The following NHLRC2 variants were observed in gnomAD, a reference collection of about 807,000 sequenced individuals.
The protein encoded by NHLRC2 is NHL repeat containing 2.
Under a neutral mutation model 68.1 loss-of-function variants are expected in NHLRC2, and 33 were observed. That is an observed-to-expected ratio of 0.48 (90% CI 0.37 to 0.65). The LOEUF is 0.65. Among genes scored for constraint, NHLRC2 ranks in the 30% least tolerant of loss-of-function variants. The pLI is 0.00. For synonymous variants in NHLRC2, 311 were observed against 309.6 expected (o/e 1.00, Z -0.05); for missense variants, 761 against 853.8 (o/e 0.89, Z 1.35).
chr10:113,899,535 A>G (rs1846210036), intron 6 of NHLRC2, among the ~76,000 whole-genome samples: 1 of 152,236 alleles, frequency 6.6e-6, no homozygotes. Context: ...GATACAATGA[A>G]AAGATGTGGT....
intron 2 of NHLRC2, among the ~76,000 whole-genome samples, chr10:113,867,938 A>G (rs1845884212): frequency 6.8e-6 from 1 of 147,008 alleles, no homozygotes; most frequent in Non-Finnish European, 1.6e-5. Flanking sequence ...TATGTATTTT[A>G]AAAAGTGGTT....
chr10:113,904,831 A>T lies in NHLRC2; in HGVS notation c.1719A>T (p.Arg573Ser), dbSNP rs763881227. 3 of 1,613,280 alleles carry T rather than the reference A, an allele frequency of 1.9e-6. No individual in the cohort carries two copies. Among genetic ancestry groups the T allele is most frequent in the African/African-American group, 2.7e-5 (2 of 74,904 alleles). ...TTATTTCCTAGCTCCCCATCTTCAG[A>T]TCTGAAAATGCTGTGGTAGATGGCC... ...TKMVSVLPIF[R>S]SENAVVDGPF... Residue 573 changes from arginine to serine, a missense_variant, in exon 10 of 11, where the codon AGA becomes AGT. Arg to Ser is a moderately radical substitution (Grantham distance 110). Coordinates refer to ENST00000369301, the MANE Select transcript of NHLRC2 (RefSeq NM_198514.4).
At chr10:113,897,596 T>C (rs1456985262) in intron 5 of NHLRC2, among the ~76,000 whole-genome samples, 1 of 152,228 alleles carries the variant, frequency 6.6e-6, no homozygotes, top group Non-Finnish European at 1.5e-5. Context: ...TTTATGAGCT[T>C]AGGTTTCCTG....
At chr10:113,869,837 C>T (rs1262347743) in intron 2 of NHLRC2, among the ~76,000 whole-genome samples, 3 of 151,986 alleles carry the variant, frequency 2.0e-5, no homozygotes, top group African/African-American at 7.2e-5. Flanking sequence ...TTTTGGTATT[C>T]CAATGGTCCA....
rs753272516 is a variant in NHLRC2 at position 113,914,926 on chromosome 10, T to C, written c.*6390T>C. On this transcript the variant is annotated 3_prime_UTR_variant, in exon 11 of 11. Transcript: ENST00000369301. ...TAACAAACCCTGGCCCCTTTACATA[T>C]GAGCTCTGGAGGTTCGCCTGGCTGC... The C allele has an allele frequency of 1.3e-5, 6 of 453,512 alleles. No individual in the cohort carries two copies. Among genetic ancestry groups the C allele is most frequent in the South Asian group, 9.4e-5 (6 of 64,076 alleles). The allele number at this position is 453,512 out of a possible 1,614,324, so 28.1% of individuals were successfully genotyped here. A position where few individuals can be genotyped will look rare whatever the true frequency, so the allele number is the denominator to read the frequency against.
chr10:113,881,645 G>A (rs1846037081), intron 4 of NHLRC2, among the ~76,000 whole-genome samples: 1 of 151,592 alleles, frequency 6.6e-6, no homozygotes, highest in Non-Finnish European at 1.5e-5. Context: ...TTTAATGCAT[G>A]TTTTTATTTG....
At chr10:113,888,588 ATAAT>A (rs781407288) in intron 5 of NHLRC2, among the ~76,000 whole-genome samples, 12 of 152,330 alleles carry the variant, frequency 7.9e-5, no homozygotes, top group East Asian at 5.8e-4. Flanking sequence ...AGTTATAAAA[ATAAT>A]TAATATAAAG....
Position 113,884,160 on chromosome 10 carries a change from T to C in NHLRC2, c.910-91T>C, listed in dbSNP as rs150903819. 8.7e-5 allele frequency: 102 copies of C among 1,175,846 alleles called. 1 individual carries two copies. The African/African-American group carries it at 1.4e-3, about 16-fold the overall frequency. The allele number at this position is 1,175,846 out of a possible 1,614,324, so 72.8% of individuals were successfully genotyped here. On this transcript the variant is annotated intron_variant, in intron 4 of 10. Transcript: ENST00000369301. ...CTTTGTACTGCACATACACTCTAAATGTTCTATTGACTATTGAAAATCTTT... is the reference window on the plus strand; with the variant it reads ...CTTTGTACTGCACATACACTCTAAACGTTCTATTGACTATTGAAAATCTTT...
intron 2 of NHLRC2, among the ~76,000 whole-genome samples, chr10:113,872,145 C>G (rs558501682): frequency 6.6e-6 from 1 of 152,108 alleles, no homozygotes; most frequent in African/African-American, 2.4e-5. Context: ...ATTGAAGCCT[C>G]AGAGAAGCAT....
Position 113,912,108 on chromosome 10 carries a change from T to C in NHLRC2, c.*3572T>C, listed in dbSNP as rs1397268570. Reference sequence around the variant, plus strand: ...CAATGGTTATGGCTTTTTTGTTCTGTTATTTTTATTGTGTAACGTAGTGTA... The same window carrying C: ...CAATGGTTATGGCTTTTTTGTTCTGCTATTTTTATTGTGTAACGTAGTGTA... On this transcript the variant is annotated 3_prime_UTR_variant, in exon 11 of 11. Transcript: ENST00000369301. 1 of 152,210 alleles carries C rather than the reference T, an allele frequency of 6.6e-6. No homozygotes were observed. Among genetic ancestry groups the C allele is most frequent in the Admixed American group, 6.5e-5 (1 of 15,280 alleles). 9.4% of individuals were successfully genotyped at this position (152,210 alleles called of 1,614,324 possible). A position where few individuals can be genotyped will look rare whatever the true frequency, so the allele number is the denominator to read the frequency against.
At chr10:113,883,576 A>ATAG (rs1165862325) in intron 4 of NHLRC2, among the ~76,000 whole-genome samples, 1 of 151,880 alleles carries the variant, frequency 6.6e-6, no homozygotes, top group Admixed American at 6.6e-5. Context: ...AATTTTCCCA[A>ATAG]TACATTGTTG....
rs1846296737 is a variant in NHLRC2, at chr10:113,908,671, A to AT, written c.*137dup. On this transcript the variant is annotated 3_prime_UTR_variant, in exon 11 of 11. Transcript: ENST00000369301. ...CCATTGCTCAGTTCAGACAACTGAT[A>AT]TTAAAATAAAGCTATGCTCCTTACT... 1 of 742,260 alleles carries AT rather than the reference A, an allele frequency of 1.3e-6. No individual in the cohort carries two copies. Among genetic ancestry groups the AT allele is most frequent in the Non-Finnish European group, 2.2e-6 (1 of 460,450 alleles). The allele number at this position is 742,260 out of a possible 1,614,324, so 46.0% of individuals were successfully genotyped here. A position where few individuals can be genotyped will look rare whatever the true frequency, so the allele number is the denominator to read the frequency against.
chr10:113,873,729 A>G (rs778182972), intron 2 of NHLRC2, among the ~76,000 whole-genome samples: 2 of 152,234 alleles, frequency 1.3e-5, no homozygotes, highest in Non-Finnish European at 2.9e-5. Context: ...ACGTGCAAAC[A>G]TGAACTAGAA....
At chr10:113,863,341 A>C (rs1418676549) in intron 2 of NHLRC2, among the ~76,000 whole-genome samples, 1 of 152,188 alleles carries the variant, frequency 6.6e-6, no homozygotes. Context: ...ATTTGTGGAA[A>C]TCAAACAGCA....
rs1845981272 is a variant in NHLRC2 at position 113,876,506 on chromosome 10, A to T, written c.332-15A>T. ...AATATTTAATAATGTTTAACATATA[A>T]TTTTTTCCTTTCAGATGGTCTTCTT... On this transcript the variant is annotated splice_polypyrimidine_tract_variant and intron_variant, in intron 2 of 10. Transcript: ENST00000369301. 1 of 1,459,452 alleles carries T rather than the reference A, an allele frequency of 6.9e-7. No homozygotes were observed. Among genetic ancestry groups the T allele is most frequent in the African/African-American group, 1.4e-5 (1 of 70,442 alleles). 90.4% of individuals were successfully genotyped at this position (1,459,452 alleles called of 1,614,324 possible).
At position 113,906,304 on chromosome 10, in the gene NHLRC2, T is replaced by C. The variant is rs535265624; in HGVS notation, c.1924+1268T>C. Among the ~76,000 whole-genome samples the C allele has an allele frequency of 6.6e-5, 10 of 152,306 alleles. No individual in the cohort carries two copies. In the East Asian group the frequency reaches 1.9e-3, roughly 29 times the overall value. On this transcript the variant is annotated intron_variant, in intron 10 of 10. Transcript: ENST00000369301. The stretch of plus-strand genomic sequence containing the variant: ...GATAGTATTCAAATAAAGTAGTCTA[T>C]AGAGACTTTATCTAATTTGTCCAAG...
intron 10 of NHLRC2, among the ~76,000 whole-genome samples, chr10:113,906,741 G>A (rs1348869465): frequency 6.6e-6 from 1 of 152,230 alleles, no homozygotes; most frequent in Non-Finnish European, 1.5e-5. Context: ...TGTAATCCCA[G>A]CACTTTGGGA....
chr10:113,892,611 C>G (rs1846142750), intron 5 of NHLRC2, among the ~76,000 whole-genome samples: 1 of 151,790 alleles, frequency 6.6e-6, no homozygotes, highest in Non-Finnish European at 1.5e-5. Flanking sequence ...TAATATGACT[C>G]TTGTTACTTT....
rs188443129 is a variant in NHLRC2 at position 113,885,856 on chromosome 10, T to G, written c.1039+1476T>G. Among the ~76,000 whole-genome samples, 7 of 152,104 alleles carry G rather than the reference T, an allele frequency of 4.6e-5. No homozygotes were observed. In the East Asian group the frequency reaches 1.3e-3, roughly 29 times the overall value. On this transcript the variant is annotated intron_variant, in intron 5 of 10. Coordinates refer to ENST00000369301, the MANE Select transcript of NHLRC2 (RefSeq NM_198514.4). ...GTTAAAAAGTAAGAAGAATGATAAA[T>G]GTACATTTTTATACTAGTGGTTCCT...
Sources: gnomAD v4.1 joint callset for allele counts (sites outside exome capture counted in the v4.1 genomes callset) on GRCh38, gnomAD v4.1.1 for gene constraint, MANE v1.5 for transcripts, NCBI Gene and HGNC (gene_info 2026-07-23, HGNC 2026-07-21) for gene names.